The following PITPNC1 variants were observed in gnomAD, a reference collection of about 807,000 sequenced individuals.
PITPNC1 encodes cytoplasmic phosphatidylinositol transfer protein 1.
PITPNC1 carries 18 observed loss-of-function variants against 44.7 expected under a neutral mutation model. The ratio of observed to expected loss-of-function variants is 0.40; its 90% CI spans 0.28 to 0.60. The LOEUF is 0.60. Among genes scored for constraint, PITPNC1 ranks in the 20% least tolerant of loss-of-function variants. The pLI is 0.39. For missense variants in PITPNC1, 290 were observed against 418.4 expected, an observed-to-expected ratio of 0.69 and a Z score of 2.68; for synonymous variants, 141 against 149.6, an observed-to-expected ratio of 0.94 and a Z score of 0.42.
At chr17:67,480,637 T>A (rs1320647031) in intron 1 of PITPNC1, among the ~76,000 whole-genome samples, 1 of 152,120 alleles carries the variant, frequency 6.6e-6, no homozygotes, top group Non-Finnish European at 1.5e-5. Flanking sequence ...GGAAAATACA[T>A]GTATGTATTT....
At chr17:67,633,446 G>A (rs940570097) in intron 6 of PITPNC1, among the ~76,000 whole-genome samples, 2 of 152,168 alleles carry the variant, frequency 1.3e-5, no homozygotes, top group Admixed American at 1.3e-4. Flanking sequence ...GCAAATGCTC[G>A]GCTGCTTAAT....
At chr17:67,512,500 C>CAAA (rs1006177232) in intron 1 of PITPNC1, among the ~76,000 whole-genome samples, 1,731 of 59,250 alleles carry the variant, frequency 0.029, 92 homozygotes, top group African/African-American at 0.1. Context: ...GACTGTGTCT[C>CAAA]AAAAAAAAAA....
chr17:67,635,563 C>T (rs183511944), intron 6 of PITPNC1, among the ~76,000 whole-genome samples: 57 of 151,908 alleles, frequency 3.8e-4, no homozygotes, highest in African/African-American at 1.2e-3. Context: ...GAGTATTTGG[C>T]GAATAGGAGA....
At chr17:67,556,593 T>C (rs2706683) in intron 4 of PITPNC1, among the ~76,000 whole-genome samples, 127,118 of 152,068 alleles carry the variant, frequency 0.84, 53,227 homozygotes, top group African/African-American at 0.89. Context: ...AAGTATGTAA[T>C]GTGGGAACCC....
intron 1 of PITPNC1, chr17:67,408,741 T>C (rs1238017269): frequency 1.3e-5 from 2 of 149,842 alleles, no homozygotes; most frequent in Non-Finnish European, 3.0e-5. Context: ...TTTCTTTCTT[T>C]CTCTCTTTCT....
At chr17:67,492,317 T>G (rs1166215084) in intron 1 of PITPNC1, among the ~76,000 whole-genome samples, 4 of 152,166 alleles carry the variant, frequency 2.6e-5, no homozygotes, top group African/African-American at 9.7e-5. Flanking sequence ...CTAAATCCAA[T>G]GACAAGTGTC....
At chr17:67,516,222 C>T (rs967615888) in intron 1 of PITPNC1, among the ~76,000 whole-genome samples, 4 of 152,218 alleles carry the variant, frequency 2.6e-5, no homozygotes, top group African/African-American at 9.7e-5. Context: ...TTAACTGTGA[C>T]ATTTTCATCC....
chr17:67,571,373 G>T (rs555726726), intron 4 of PITPNC1, among the ~76,000 whole-genome samples: 2 of 152,150 alleles, frequency 1.3e-5, no homozygotes, highest in Non-Finnish European at 2.9e-5. Context: ...TCAAGGCTGC[G>T]GCGAGCTGAG....
At chr17:67,581,063 G>A (rs1029188306) in intron 5 of PITPNC1, among the ~76,000 whole-genome samples, 2 of 152,224 alleles carry the variant, frequency 1.3e-5, no homozygotes, top group African/African-American at 4.8e-5. Flanking sequence ...AAGAGGTGCA[G>A]AGGGGACACG....
chr17:67,614,668 TC>T, intron 5 of PITPNC1, among the ~76,000 whole-genome samples: 1 of 144,322 alleles, frequency 6.9e-6, no homozygotes, highest in Non-Finnish European at 1.5e-5. Flanking sequence ...TGAGACTCCG[TC>T]TCAAAAAAAA....
At chr17:67,623,296 A>G (rs1414215102) in intron 5 of PITPNC1, among the ~76,000 whole-genome samples, 1 of 152,216 alleles carries the variant, frequency 6.6e-6, no homozygotes, top group African/African-American at 2.4e-5. Flanking sequence ...GAAGATAAAA[A>G]TCTACACAGC....
At chr17:67,410,199 G>C (rs1376751955) in intron 1 of PITPNC1, among the ~76,000 whole-genome samples, 5 of 152,128 alleles carry the variant, frequency 3.3e-5, no homozygotes, top group Non-Finnish European at 5.9e-5. Flanking sequence ...TGCCTTTTAG[G>C]CCTCTAATAT....
intron 5 of PITPNC1, among the ~76,000 whole-genome samples, chr17:67,590,885 G>A (rs1280813535): frequency 6.6e-6 from 1 of 151,886 alleles, no homozygotes; most frequent in African/African-American, 2.4e-5. Context: ...CCTGGGAGAT[G>A]GAGGTTGCAC....
intron 2 of PITPNC1, among the ~76,000 whole-genome samples, chr17:67,543,509 T>C (rs952496583): frequency 6.6e-6 from 1 of 152,248 alleles, no homozygotes; most frequent in Non-Finnish European, 1.5e-5. Flanking sequence ...ATAGCCATCC[T>C]AGTGGGTGTG....
At chr17:67,592,301 C>A (rs1218270994) in intron 5 of PITPNC1, among the ~76,000 whole-genome samples, 2 of 151,978 alleles carry the variant, frequency 1.3e-5, no homozygotes, top group African/African-American at 4.8e-5. Flanking sequence ...CATTAAGGTA[C>A]CCAAGAACAA....
chr17:67,638,309 AG>A (rs2042056218), intron 6 of PITPNC1: 1 of 152,250 alleles, frequency 6.6e-6, no homozygotes, highest in African/African-American at 2.4e-5. Flanking sequence ...AGAATCTGAA[AG>A]CCATGCTGGG....
intron 5 of PITPNC1, among the ~76,000 whole-genome samples, chr17:67,607,590 C>G (rs912387659): frequency 1.2e-4 from 18 of 152,174 alleles, no homozygotes; most frequent in African/African-American, 4.3e-4. Context: ...TGCAGTGATT[C>G]TGGATTCACC....
rs2042957416 is a variant in PITPNC1, at chr17:67,692,993, T to C, written c.*105T>C. 2.7e-6 allele frequency: 2 copies of C among 735,828 alleles called. No homozygotes were observed. The highest frequency in any genetic ancestry group is 3.5e-5 in the African/African-American group (2 of 56,680). 45.6% of individuals were successfully genotyped at this position (735,828 alleles called of 1,614,324 possible). ...AAGACTGCTTTGTCACTCAAACATGTTCCTTCGACCTTTCAGTGTGCATGT... is the reference window on the plus strand; with the variant it reads ...AAGACTGCTTTGTCACTCAAACATGCTCCTTCGACCTTTCAGTGTGCATGT... On this transcript the variant is annotated 3_prime_UTR_variant, in exon 9 of 9. Transcript: ENST00000581322.
At chr17:67,568,861 A>G (rs753917767) in intron 4 of PITPNC1, among the ~76,000 whole-genome samples, 3 of 152,214 alleles carry the variant, frequency 2.0e-5, no homozygotes, top group Non-Finnish European at 4.4e-5. Context: ...TTTACATTGT[A>G]AAGTGGGATA....
Sources: gnomAD v4.1 joint callset for allele counts (sites outside exome capture counted in the v4.1 genomes callset) on GRCh38, gnomAD v4.1.1 for gene constraint, MANE v1.5 for transcripts, NCBI Gene and HGNC (gene_info 2026-07-23, HGNC 2026-07-21) for gene names.